The following PSMD13 variants were observed in gnomAD, a reference collection of about 807,000 sequenced individuals.
The protein encoded by PSMD13 is proteasome 26S subunit, non-ATPase 13.
A neutral mutation model predicts 57.4 loss-of-function variants in PSMD13; 8 were observed. The observed-to-expected ratio is 0.14, with a 90% CI of 0.08 to 0.25. PSMD13 has a LOEUF of 0.25. Among genes scored for constraint, PSMD13 ranks in the 10% least tolerant of loss-of-function variants. The pLI is 1.00. For missense variants in PSMD13, 400 were observed against 461.5 expected, an observed-to-expected ratio of 0.87 and a Z score of 1.22; for synonymous variants, 193 against 168.2, an observed-to-expected ratio of 1.15 and a Z score of -1.14.
In PSMD13 at chr11:252,622, GTC is replaced by G. The variant is rs1859789526; in HGVS notation, c.*25_*26del. 1 of 1,610,562 alleles carries G rather than the reference GTC, an allele frequency of 6.2e-7. No individual in the cohort carries two copies. Among genetic ancestry groups the G allele is most frequent in the East Asian group, 2.2e-5 (1 of 44,868 alleles). Reference sequence around the variant, plus strand: ...CTAGGGCCCCCTGGTTCCCCGTCGTGTCTCCTTTGACTCACCTGAGAGAGGCG... The same window carrying G: ...CTAGGGCCCCCTGGTTCCCCGTCGTGTCCTTTGACTCACCTGAGAGAGGCG... On this transcript the variant is annotated 3_prime_UTR_variant, in exon 13 of 13. Coordinates refer to ENST00000532097, the MANE Select transcript of PSMD13 (RefSeq NM_002817.4). This position sits in a 1 kb window ranked among gnomAD's most constrained non-coding sequence, Gnocchi z 4.1.
chr11:244,869 C>A (rs2133987201), intron 6 of PSMD13, 108 bp downstream of exon 6: 3 of 906,706 alleles, frequency 3.3e-6, no homozygotes, highest in Non-Finnish European at 3.2e-6. Context: ...AACATTTTTA[C>A]ATTACAGAAA....
intron 1 of PSMD13, 118 bp downstream of exon 1, chr11:237,262 A>C: frequency 1.1e-6 from 1 of 941,636 alleles, no homozygotes; most frequent in Non-Finnish European, 1.6e-6. Flanking sequence ...TTGGGGGGAA[A>C]CGGGGACGTG....
intron 2 of PSMD13, among the ~76,000 whole-genome samples, chr11:241,968 T>G (rs1859525267): frequency 6.6e-6 from 1 of 152,122 alleles, no homozygotes; most frequent in African/African-American, 2.4e-5. Flanking sequence ...CTTCAGTGCT[T>G]TTGCACATGT....
intron 7 of PSMD13, chr11:248,153 T>C (rs1376790656): frequency 1.3e-5 from 2 of 149,682 alleles, no homozygotes; most frequent in Non-Finnish European, 2.9e-5. Context: ...TCCAGACCCA[T>C]GGGGACAAAT....
chr11:252,313 T>G lies in PSMD13; in HGVS notation c.1036-192T>G. ...TCTGCTTTCTTTCATGCAAGTTTTTTCTAACGTTCCTGTGAAAAGAATTAA... is the reference window on the plus strand; with the variant it reads ...TCTGCTTTCTTTCATGCAAGTTTTTGCTAACGTTCCTGTGAAAAGAATTAA... On this transcript the variant is annotated intron_variant, in intron 12 of 12. Transcript: ENST00000532097. This position sits in a 1 kb window ranked among gnomAD's most constrained non-coding sequence, Gnocchi z 4.1. The G allele has an allele frequency of 1.7e-6, 1 of 574,654 alleles. No homozygotes were observed. The highest frequency in any genetic ancestry group is 3.1e-6 in the Non-Finnish European group (1 of 320,866). The allele number at this position is 574,654 out of a possible 1,614,324, so 35.6% of individuals were successfully genotyped here. A position where few individuals can be genotyped will look rare whatever the true frequency, so the allele number is the denominator to read the frequency against.
Position 244,236 on chromosome 11 carries a change from A to C in PSMD13, c.265+20A>C. 6.2e-7 allele frequency: 1 copy of C among 1,607,364 alleles called. No homozygotes were observed. The highest frequency in any genetic ancestry group is 8.5e-7 in the Non-Finnish European group (1 of 1,178,108). ...TGACTGGTAAGTCTCACTTTGTTTT[A>C]TAAAGGAGCAGATCCAAATGGTGGT... On this transcript the variant is annotated intron_variant, in intron 4 of 12. Coordinates refer to ENST00000532097, the MANE Select transcript of PSMD13 (RefSeq NM_002817.4).
At chr11:239,416 C>G (rs1859468507) in intron 2 of PSMD13, among the ~76,000 whole-genome samples, 1 of 152,158 alleles carries the variant, frequency 6.6e-6, no homozygotes, top group Admixed American at 6.5e-5. Context: ...TATCTTAGTT[C>G]ATAGGCTTCT....
At position 251,351 on chromosome 11, in the gene PSMD13, T is replaced by TTGCTGTTATCC; in HGVS notation, c.838-193_838-183dup. The TTGCTGTTATCC allele has an allele frequency of 5.2e-6, 3 of 578,192 alleles. No individual in the cohort carries two copies. Among genetic ancestry groups the TTGCTGTTATCC allele is most frequent in the Non-Finnish European group, 9.1e-6 (3 of 331,130 alleles). 35.8% of individuals were successfully genotyped at this position (578,192 alleles called of 1,614,324 possible). A position where few individuals can be genotyped will look rare whatever the true frequency, so the allele number is the denominator to read the frequency against. ...CTGTCAGAAACTCCTGTAAGGCATT[T>TTGCTGTTATCC]TGCTGTTATCCTTCTTATCTAAGCA... On this transcript the variant is annotated intron_variant, in intron 10 of 12. Coordinates refer to ENST00000532097, the MANE Select transcript of PSMD13 (RefSeq NM_002817.4). This position sits in a 1 kb window ranked among gnomAD's most constrained non-coding sequence, Gnocchi z 4.6.
intron 2 of PSMD13, among the ~76,000 whole-genome samples, chr11:241,593 C>T (rs1033080558): frequency 6.6e-6 from 1 of 152,212 alleles, no homozygotes; most frequent in Non-Finnish European, 1.5e-5. Context: ...CCCTCTCCTA[C>T]TGTGCCCACA....
At chr11:237,844 A>G (rs189694263) in intron 1 of PSMD13, among the ~76,000 whole-genome samples, 1 of 152,370 alleles carries the variant, frequency 6.6e-6, no homozygotes, top group Non-Finnish European at 1.5e-5. Context: ...TATGAGTAGA[A>G]TAAATTGCTG....
intron 5 of PSMD13, 66 bp downstream of exon 5, chr11:244,535 G>GT: frequency 3.9e-6 from 6 of 1,550,568 alleles, no homozygotes; most frequent in Non-Finnish European, 5.3e-6. Context: ...AACAGCTTGT[G>GT]TTCATGCTCA....
intron 4 of PSMD13, 46 bp downstream of exon 4, chr11:244,262 TA>T (rs1859584953): frequency 6.3e-7 from 1 of 1,595,868 alleles, no homozygotes; most frequent in Non-Finnish European, 8.5e-7. Flanking sequence ...AAATGGTGGT[TA>T]AAATTGAAAT....
intron 2 of PSMD13, among the ~76,000 whole-genome samples, chr11:240,598 T>C (rs565649434): frequency 6.6e-6 from 1 of 152,334 alleles, no homozygotes; most frequent in East Asian, 1.9e-4. Context: ...ACTTTTCCCA[T>C]AGACAGAATA....
chr11:251,330 CAG>C lies in PSMD13; in HGVS notation c.838-214_838-213del. 1 of 553,918 alleles carries C rather than the reference CAG, an allele frequency of 1.8e-6. No homozygotes were observed. The highest frequency in any genetic ancestry group is 3.1e-5 in the East Asian group (1 of 32,684). The allele number at this position is 553,918 out of a possible 1,614,324, so 34.3% of individuals were successfully genotyped here. A position where few individuals can be genotyped will look rare whatever the true frequency, so the allele number is the denominator to read the frequency against. On this transcript the variant is annotated intron_variant, in intron 10 of 12. Transcript: ENST00000532097. The surrounding 1 kb of genome is among the most constrained non-coding windows in gnomAD (Gnocchi z 4.6). ...TCGGGGATTGAACAATGGCTACTGT[CAG>C]AAACTCCTGTAAGGCATTTTGCTGT...
At chr11:242,064 A>C (rs1453156537) in intron 2 of PSMD13, among the ~76,000 whole-genome samples, 1 of 151,756 alleles carries the variant, frequency 6.6e-6, no homozygotes, top group East Asian at 1.9e-4. Context: ...CATTCCTTGA[A>C]ACTCAGTATT....
chr11:237,110 G>A lies in PSMD13; in HGVS notation c.61G>A (p.Val21Met). The A allele has an allele frequency of 1.2e-6, 2 of 1,612,484 alleles. No homozygotes were observed. Among genetic ancestry groups the A allele is most frequent in the Middle Eastern group, 1.7e-4 (1 of 6,006 alleles). ...GAACTCCGGGCCCGGGCAGCCCGCTGTGTGGCACCGTCTGGAGGAGCTCTA... is the reference window on the plus strand; with the variant it reads ...GAACTCCGGGCCCGGGCAGCCCGCTATGTGGCACCGTCTGGAGGAGCTCTA... ...SQNSGPGQPA[V>M]WHRLEELYTK... The change falls in exon 1 of 13, where the codon GTG (valine) becomes ATG (methionine). Residue 21 changes from valine to methionine, a missense_variant. Physicochemically the swap from Val to Met is conservative, Grantham distance 21. Transcript: ENST00000532097.
At chr11:244,643 G>T in intron 5 of PSMD13, 32 bp from the exon 6 acceptor site, 1 of 1,589,356 alleles carries the variant, frequency 6.3e-7, no homozygotes, top group Non-Finnish European at 8.6e-7. Context: ...CCCACATTCT[G>T]AGGTTTCTTG....
intron 5 of PSMD13, 22 bp from the exon 6 acceptor site, chr11:244,653 G>C: frequency 1.9e-6 from 3 of 1,600,672 alleles, no homozygotes; most frequent in Non-Finnish European, 2.6e-6. Context: ...GAGGTTTCTT[G>C]TTTTTGTTTT....
intron 2 of PSMD13, among the ~76,000 whole-genome samples, chr11:241,417 C>T (rs535356974): frequency 1.5e-4 from 23 of 152,308 alleles, no homozygotes; most frequent in African/African-American, 5.5e-4. Context: ...ACATAACAGA[C>T]GTGAGCCACA....
Sources: allele counts gnomAD v4.1 joint callset (sites outside exome capture counted in the v4.1 genomes callset), GRCh38; gene constraint gnomAD v4.1.1; non-coding constraint Gnocchi (gnomAD v3.1); transcripts MANE v1.5; gene names NCBI Gene and HGNC (gene_info 2026-07-23, HGNC 2026-07-21).